The following CNKSR2 variants were observed in gnomAD, a reference collection of about 807,000 sequenced individuals.
CNKSR2 encodes the protein connector enhancer of kinase suppressor of Ras 2.
Under a neutral mutation model 84.4 loss-of-function variants are expected in CNKSR2, and 14 were observed. The ratio of observed to expected loss-of-function variants is 0.17; its 90% CI spans 0.11 to 0.26. The LOEUF (loss-of-function observed/expected upper bound fraction) is 0.26, where lower values mean the gene tolerates loss of function less well. Among genes scored for constraint, CNKSR2 ranks in the 10% least tolerant of loss-of-function variants. The probability of loss-of-function intolerance (pLI) is 1.00; values close to 1 mark genes in which losing one functional copy is unlikely to be tolerated. For synonymous variants in CNKSR2, 275 were observed against 277.9 expected (o/e 0.99, Z 0.10); for missense variants, 485 against 771.2 (o/e 0.63, Z 4.40).
At position 21,563,677 on chromosome X, in the gene CNKSR2, CTT is replaced by C. The variant is rs767945300; in HGVS notation, c.1608+226_1608+227del. Among the ~76,000 whole-genome samples, 82 of 111,421 alleles carry C rather than the reference CTT, an allele frequency of 7.4e-4. No homozygotes were observed. The Middle Eastern group carries it at 0.014, about 19-fold the overall frequency. ...AGCAAGTTGGATTTTAATGGGATAA[CTT>C]AATATGCACAAAATTGATGGAGAAC... On this transcript the variant is annotated intron_variant, in intron 13 of 21. Coordinates refer to ENST00000379510, the MANE Select transcript of CNKSR2 (RefSeq NM_014927.5).
Position 21,401,841 on chromosome X carries a change from C to T in CNKSR2, c.65-24656C>T, listed in dbSNP as rs762497082. ...TTTGTACAAACAGTAACCATTCATG[C>T]TGTGCCTATTAAGTGTCAGCCACTT... On this transcript the variant is annotated intron_variant, in intron 1 of 21. Transcript: ENST00000379510. Among the ~76,000 whole-genome samples the T allele has an allele frequency of 5.4e-5, 6 of 111,725 alleles. No homozygotes were observed. In the South Asian group the frequency reaches 2.2e-3, roughly 41 times the overall value.
intron 20 of CNKSR2, chrX:21,641,602 C>T (rs2092691756): frequency 8.6e-7 from 1 of 1,166,865 alleles, no homozygotes; most frequent in Admixed American, 2.6e-5. Context: ...GGCACTCAAC[C>T]CATTGGACTC....
intron 1 of CNKSR2, among the ~76,000 whole-genome samples, chrX:21,385,822 G>C (rs1049586964): frequency 9.0e-6 from 1 of 110,816 alleles, no homozygotes; most frequent in African/African-American, 3.3e-5. Context: ...GTGGGCTATA[G>C]TTTTTGTGTC....
Position 21,456,361 on chromosome X carries a change from T to C in CNKSR2, c.520-14405T>C, listed in dbSNP as rs112826216. Among the ~76,000 whole-genome samples the C allele has an allele frequency of 7.5e-3, 841 of 111,572 alleles. 2 individuals carry two copies. The highest frequency in any genetic ancestry group is 0.026 in the African/African-American group (795 of 30,770). On this transcript the variant is annotated intron_variant, in intron 4 of 21. Transcript: ENST00000379510. ...ACTGAAAGTTTGTGCCCTTTGACCA[T>C]TATCTCCTCCCACCCTGTCCATTGT...
At chrX:21,570,126 T>C (rs1159220225) in intron 13 of CNKSR2, among the ~76,000 whole-genome samples, 1 of 112,246 alleles carries the variant, frequency 8.9e-6, no homozygotes, top group Non-Finnish European at 1.9e-5. Flanking sequence ...TGTTTTATGG[T>C]TTGAAGCTAG....
At chrX:21,456,184 A>C (rs1246603728) in intron 4 of CNKSR2, among the ~76,000 whole-genome samples, 2 of 111,816 alleles carry the variant, frequency 1.8e-5, no homozygotes, top group African/African-American at 3.2e-5. Flanking sequence ...CATATTCATC[A>C]CCTCACATAG....
chrX:21,557,003 A>G (rs892291018), intron 11 of CNKSR2, among the ~76,000 whole-genome samples: 14 of 109,816 alleles, frequency 1.3e-4, no homozygotes, highest in Non-Finnish European at 2.7e-4. Flanking sequence ...ATAGGATCCA[A>G]TGAGCAACCC....
chrX:21,407,433 T>G (rs984726121), intron 1 of CNKSR2, among the ~76,000 whole-genome samples: 1 of 111,203 alleles, frequency 9.0e-6, no homozygotes, highest in Admixed American at 9.6e-5. Flanking sequence ...TTTCTCAAGA[T>G]CAGCTATTCT....
At chrX:21,535,616 AT>A (rs749481919) in intron 11 of CNKSR2, among the ~76,000 whole-genome samples, 6 of 109,756 alleles carry the variant, frequency 5.5e-5, no homozygotes, top group African/African-American at 2.0e-4. Context: ...ATTTCTAAGT[AT>A]TTTTTGTAGC....
chrX:21,447,614 A>G lies in CNKSR2; in HGVS notation c.519+6833A>G, dbSNP rs1039934585. 9.0e-5 allele frequency among the ~76,000 whole-genome samples: 10 copies of G among 111,377 alleles called. No individual in the cohort carries two copies. The East Asian group carries it at 2.5e-3, about 28-fold the overall frequency. The stretch of plus-strand genomic sequence containing the variant: ...TTCAGAGGAGAGTCCCTGATATGCT[A>G]CCATTTGTGATATACTGTGACTATT... On this transcript the variant is annotated intron_variant, in intron 4 of 21. Transcript: ENST00000379510.
At chrX:21,464,489 G>A (rs1323264742) in intron 4 of CNKSR2, among the ~76,000 whole-genome samples, 2 of 111,576 alleles carry the variant, frequency 1.8e-5, no homozygotes, top group Non-Finnish European at 3.8e-5. Context: ...TTGTTAAATC[G>A]GCTGGGGGGA....
chrX:21,419,334 A>G (rs1039049580), intron 1 of CNKSR2, among the ~76,000 whole-genome samples: 1 of 110,911 alleles, frequency 9.0e-6, no homozygotes, highest in Non-Finnish European at 1.9e-5. Flanking sequence ...AGTTTCCTCA[A>G]AATAGCTATT....
At chrX:21,637,178 A>G (rs2092676039) in intron 20 of CNKSR2, 1 of 111,650 alleles carries the variant, frequency 9.0e-6, no homozygotes, top group South Asian at 3.7e-4. Flanking sequence ...TAAGTCATAA[A>G]TGGCACTCTA....
chrX:21,503,585 C>G, intron 8 of CNKSR2: 2 of 191,812 alleles, frequency 1.0e-5, no homozygotes, highest in South Asian at 2.9e-4. Context: ...TTATTATACT[C>G]CCTCCCAAAA....
chrX:21,596,085 A>C (rs2092449537), intron 17 of CNKSR2, among the ~76,000 whole-genome samples: 1 of 111,990 alleles, frequency 8.9e-6, no homozygotes, highest in African/African-American at 3.2e-5. Flanking sequence ...TACATATTAC[A>C]AATATAACTT....
At chrX:21,591,240 A>G in intron 15 of CNKSR2, 46 bp downstream of exon 15, 2 of 1,015,125 alleles carry the variant, frequency 2.0e-6, no homozygotes, top group Non-Finnish European at 2.7e-6. Context: ...TCTATCTTTA[A>G]TCAAAAGAAT....
intron 4 of CNKSR2, among the ~76,000 whole-genome samples, chrX:21,447,859 G>T (rs1468676836): frequency 9.0e-6 from 1 of 111,719 alleles, no homozygotes; most frequent in Non-Finnish European, 1.9e-5. Context: ...GTAAAGAGCT[G>T]TTTCAAAGCA....
In CNKSR2 at chrX:21,609,494, T is replaced by C; in HGVS notation, c.2569T>C (p.Cys857Arg). The C allele has an allele frequency of 1.7e-6, 2 of 1,211,385 alleles. No individual in the cohort carries two copies. Among genetic ancestry groups the C allele is most frequent in the Non-Finnish European group, 2.2e-6 (2 of 895,485 alleles). The change falls in exon 20 of 22, where the codon TGT (cysteine) becomes CGT (arginine). Residue 857 changes from cysteine (C) to arginine (R), a missense_variant. Cys to Arg is a radical substitution (Grantham distance 180). This residue lies in a region of CNKSR2 where 210 missense variants were observed against 291.5 expected (regional missense o/e 0.72). Transcript: ENST00000379510. Reference sequence around the variant, plus strand: ...TCGAGATAGCGGGTTCAACCATTGCTGTCTGAATGCTCCAGTTAGTGCCTG... The same window carrying C: ...TCGAGATAGCGGGTTCAACCATTGCCGTCTGAATGCTCCAGTTAGTGCCTG... ...LPRDSGFNHC[C>R]LNAPVSACDP... is the part of the protein sequence containing the mutation.
At chrX:21,605,639 A>G (rs138417901) in intron 18 of CNKSR2, among the ~76,000 whole-genome samples, 2,200 of 111,553 alleles carry the variant, frequency 0.02, 60 homozygotes, top group African/African-American at 0.067. Context: ...TCCCAGATCT[A>G]TTACTTTCTA....
Sources: allele counts gnomAD v4.1 joint callset (sites outside exome capture counted in the v4.1 genomes callset), GRCh38; gene constraint gnomAD v4.1.1; regional missense constraint gnomAD v4.1.1; transcripts MANE v1.5; gene names NCBI Gene and HGNC (gene_info 2026-07-23, HGNC 2026-07-21).